The following RINT1 variants were observed in gnomAD, a reference collection of about 807,000 sequenced individuals.
The protein encoded by RINT1 is RAD50 interactor 1.
RINT1 carries 75 observed loss-of-function variants against 97.7 expected under a neutral mutation model. The ratio of observed to expected loss-of-function variants is 0.77; its 90% CI spans 0.64 to 0.93. The LOEUF is 0.93. Among genes scored for constraint, RINT1 ranks in the 40% least tolerant of loss-of-function variants. RINT1 has a pLI of 0.00. For missense variants in RINT1, 892 were observed against 925.2 expected, an observed-to-expected ratio of 0.96 and a Z score of 0.47; for synonymous variants, 303 against 326.3, an observed-to-expected ratio of 0.93 and a Z score of 0.77.
chr7:105,558,066 A>G (rs1465019369), intron 11 of RINT1, among the ~76,000 whole-genome samples: 3 of 152,182 alleles, frequency 2.0e-5, no homozygotes, highest in South Asian at 4.1e-4. Context: ...TGTAATCCCA[A>G]CACTTTGGGA....
At chr7:105,546,402 G>A (rs1790668212) in intron 4 of RINT1, among the ~76,000 whole-genome samples, 2 of 152,140 alleles carry the variant, frequency 1.3e-5, no homozygotes, top group Admixed American at 1.3e-4. Flanking sequence ...GAATGCAGAA[G>A]TAGAGGACTC....
At chr7:105,538,554 G>A (rs1000353574) in intron 3 of RINT1, among the ~76,000 whole-genome samples, 1 of 152,182 alleles carries the variant, frequency 6.6e-6, no homozygotes, top group South Asian at 2.1e-4. Flanking sequence ...TATGTGTGTG[G>A]TCTGCCACCC....
At chr7:105,538,115 C>T (rs1482682467) in intron 3 of RINT1, among the ~76,000 whole-genome samples, 1 of 151,786 alleles carries the variant, frequency 6.6e-6, no homozygotes, top group East Asian at 2.0e-4. Context: ...GCCTCAGCCT[C>T]CCGAGTAGCT....
At chr7:105,542,734 T>C (rs934711062) in intron 4 of RINT1, 85 bp downstream of exon 4, 61 of 1,325,530 alleles carry the variant, frequency 4.6e-5, no homozygotes, top group Non-Finnish European at 5.7e-5. Flanking sequence ...ATTAAATAAT[T>C]GAGTTAATTA....
intron 4 of RINT1, among the ~76,000 whole-genome samples, chr7:105,545,184 G>A (rs551462965): frequency 1.3e-5 from 2 of 151,966 alleles, no homozygotes; most frequent in South Asian, 4.2e-4. Flanking sequence ...GGGCATGGTG[G>A]CTCATGCCGT....
intron 7 of RINT1, among the ~76,000 whole-genome samples, chr7:105,549,306 C>G (rs531004773): frequency 1.3e-5 from 2 of 151,264 alleles, no homozygotes; most frequent in East Asian, 4.0e-4. Flanking sequence ...TATTTCTGCT[C>G]TTAAACCTGT....
At chr7:105,551,435 T>G in intron 9 of RINT1, 135 bp from the exon 10 acceptor site, 2 of 701,822 alleles carry the variant, frequency 2.8e-6, no homozygotes, top group Non-Finnish European at 4.5e-6. Context: ...TAAGTTAAAT[T>G]TAGTACAACC....
rs370879258 is a variant in RINT1 at position 105,552,321 on chromosome 7, G to T, written c.1471+614G>T. 2.6e-5 allele frequency among the ~76,000 whole-genome samples: 4 copies of T among 152,096 alleles called. No individual in the cohort carries two copies. The East Asian group carries it at 7.7e-4, about 29-fold the overall frequency. On this transcript the variant is annotated intron_variant, in intron 10 of 14. Coordinates refer to ENST00000257700, the MANE Select transcript of RINT1 (RefSeq NM_021930.6). ...GGCTTTTTAGGTGTCTTCAGTAAATGGTGATTGGCCTATATTTTAAATATT... is the reference window on the plus strand; with the variant it reads ...GGCTTTTTAGGTGTCTTCAGTAAATTGTGATTGGCCTATATTTTAAATATT...
chr7:105,563,959 A>C lies in RINT1; in HGVS notation c.1886+12A>C. 1 of 1,591,224 alleles carries C rather than the reference A, an allele frequency of 6.3e-7. No homozygotes were observed. Among genetic ancestry groups the C allele is most frequent in the Non-Finnish European group, 8.6e-7 (1 of 1,160,134 alleles). ...TATAAAAAAGAAAGGTATGTCCTCT[A>C]TGTAAGTCAGCTCTTAACACCAGTT... On this transcript the variant is annotated intron_variant, in intron 12 of 14. Transcript: ENST00000257700.
intron 4 of RINT1, among the ~76,000 whole-genome samples, chr7:105,545,827 C>T (rs972451549): frequency 3.4e-5 from 5 of 146,214 alleles, no homozygotes; most frequent in African/African-American, 1.0e-4. Flanking sequence ...TTCTTTGAGA[C>T]GGAGTCTCAC....
In RINT1 at chr7:105,532,771, T is replaced by C; in HGVS notation, c.43-53T>C. ...GTGCCCTTTGGGAGCCCCGTATGCT[T>C]TCCATCCACGACTTTAATCTTAATG... On this transcript the variant is annotated intron_variant, in intron 1 of 14. Transcript: ENST00000257700. 2.5e-6 allele frequency: 4 copies of C among 1,592,914 alleles called. No individual in the cohort carries two copies. The Admixed American group carries it at 6.7e-5, about 27-fold the overall frequency.
intron 10 of RINT1, among the ~76,000 whole-genome samples, chr7:105,554,516 G>A (rs1791090076): frequency 6.7e-6 from 1 of 148,950 alleles, no homozygotes; most frequent in African/African-American, 2.5e-5. Context: ...TTGGCTCACT[G>A]CAACCTCCAC....
At chr7:105,554,761 A>C (rs1263417729) in intron 10 of RINT1, among the ~76,000 whole-genome samples, 2 of 152,088 alleles carry the variant, frequency 1.3e-5, no homozygotes, top group Non-Finnish European at 2.9e-5. Flanking sequence ...TTTTATGTAT[A>C]ATTTTTTCAT....
intron 7 of RINT1, among the ~76,000 whole-genome samples, chr7:105,549,090 C>T (rs1053022921): frequency 4.0e-5 from 6 of 151,612 alleles, no homozygotes; most frequent in Non-Finnish European, 5.9e-5. Flanking sequence ...CAGGTTCAAG[C>T]GATTCTCCTG....
At position 105,548,669 on chromosome 7, in the gene RINT1, T is replaced by A; in HGVS notation, c.955T>A (p.Tyr319Asn). The change falls in exon 7 of 15, where the codon TAT (tyrosine) becomes AAT (asparagine). Residue 319 changes from tyrosine to asparagine, a missense_variant. Tyr to Asn is a moderately radical substitution (Grantham distance 143). Coordinates refer to ENST00000257700, the MANE Select transcript of RINT1 (RefSeq NM_021930.6). ...GACTCCTCTTCAGAAGAGGTTCAGGTATCACTTCAGAGGGAACCGGCAGAC... is the reference window on the plus strand; with the variant it reads ...GACTCCTCTTCAGAAGAGGTTCAGGAATCACTTCAGAGGGAACCGGCAGAC... Reference protein sequence around the residue: ...MLTPLQKRFRYHFRGNRQTNV... With the variant: ...MLTPLQKRFRNHFRGNRQTNV... 6.2e-7 allele frequency: 1 copy of A among 1,614,112 alleles called. No individual in the cohort carries two copies. Among genetic ancestry groups the A allele is most frequent in the Non-Finnish European group, 8.5e-7 (1 of 1,179,994 alleles).
chr7:105,553,902 T>A (rs542783496), intron 10 of RINT1, among the ~76,000 whole-genome samples: 9,838 of 119,176 alleles, frequency 0.083, 453 homozygotes, highest in East Asian at 0.13. Context: ...TTTTTTTTTT[T>A]TTTTTTTTTT....
Position 105,539,313 on chromosome 7 carries a change from T to G in RINT1, c.273+2564T>G, listed in dbSNP as rs1250384811. 2.6e-5 allele frequency among the ~76,000 whole-genome samples: 4 copies of G among 152,032 alleles called. No homozygotes were observed. In the East Asian group the frequency reaches 7.7e-4, roughly 29 times the overall value. On this transcript the variant is annotated intron_variant, in intron 3 of 14. Transcript: ENST00000257700. ...CTATCCCATCACCAAGTCATCTGAGTTCAGCCTCAACATCTCTGGTATCCA... is the reference window on the plus strand; with the variant it reads ...CTATCCCATCACCAAGTCATCTGAGGTCAGCCTCAACATCTCTGGTATCCA...
At position 105,551,613 on chromosome 7, in the gene RINT1, C is replaced by T. The variant is rs373723018; in HGVS notation, c.1377C>T (p.Ala459=). 235 of 1,609,676 alleles carry T rather than the reference C, an allele frequency of 1.5e-4. 1 individual carries two copies. The highest frequency in any genetic ancestry group is 1.1e-3 in the South Asian group (97 of 90,302). The change falls in exon 10 of 15, where the codon GCC becomes GCT. Residue 459 remains alanine, a synonymous_variant. Coordinates refer to ENST00000257700, the MANE Select transcript of RINT1 (RefSeq NM_021930.6). The part of the protein sequence containing the change: ...KMDSMLSSEA[A]WVSQYKDITD... ...ACTCAATGCTTTCCTCAGAAGCTGC[C>T]TGGGTATCGCAATATAAGGATATCA...
At chr7:105,543,057 T>C (rs1468375515) in intron 4 of RINT1, among the ~76,000 whole-genome samples, 3 of 151,726 alleles carry the variant, frequency 2.0e-5, no homozygotes, top group African/African-American at 4.8e-5. Flanking sequence ...GCTAATTTTT[T>C]TTTTTGGTAT....
Sources: gnomAD v4.1 joint callset for allele counts (sites outside exome capture counted in the v4.1 genomes callset) on GRCh38, gnomAD v4.1.1 for gene constraint, MANE v1.5 for transcripts, NCBI Gene and HGNC (gene_info 2026-07-23, HGNC 2026-07-21) for gene names.